SLC4A7: variants seen among roughly 807,000 people sequenced by gnomAD.
The protein encoded by SLC4A7 is solute carrier family 4 member 7.
SLC4A7 carries 51 observed loss-of-function variants against 137.6 expected under a neutral mutation model. That is an observed-to-expected ratio of 0.37 (90% CI 0.30 to 0.47). The LOEUF is 0.47. Among genes scored for constraint, SLC4A7 ranks in the 20% least tolerant of loss-of-function variants. The pLI is 1.00. For synonymous variants in SLC4A7, 542 were observed against 518.6 expected (o/e 1.05, Z -0.61); for missense variants, 1,247 against 1,525.4 (o/e 0.82, Z 3.04).
intron 2 of SLC4A7, 22 bp downstream of exon 2, chr3:27,452,394 TA>T: frequency 6.8e-7 from 1 of 1,471,248 alleles, no homozygotes. Context: ...CTAAGCGAAG[TA>T]AGTTATTTTA....
At position 27,474,942 on chromosome 3, in the gene SLC4A7, T is replaced by C. The variant is rs148103345; in HGVS notation, c.60+9125A>G. 3.3e-5 allele frequency among the ~76,000 whole-genome samples: 5 copies of C among 151,922 alleles called. No homozygotes were observed. In the East Asian group the frequency reaches 9.8e-4, roughly 30 times the overall value. ...GGCCAACATGGTGAAACCCCATCTC[T>C]ACTACAAACACAAAAAAATTAGCCA... On this transcript the variant is annotated intron_variant, in intron 1 of 25. Transcript: ENST00000454389.
chr3:27,470,304 G>C (rs897748534), intron 1 of SLC4A7, among the ~76,000 whole-genome samples: 8 of 151,066 alleles, frequency 5.3e-5, no homozygotes, highest in African/African-American at 1.7e-4. Flanking sequence ...ATAATCTGTC[G>C]GCAGTTCTTT....
At chr3:27,473,635 G>T (rs531995124) in intron 1 of SLC4A7, among the ~76,000 whole-genome samples, 2 of 151,058 alleles carry the variant, frequency 1.3e-5, no homozygotes, top group Non-Finnish European at 2.9e-5. Context: ...TTGAGCCCGG[G>T]GGGTGGAGGG....
Position 27,392,273 on chromosome 3 carries a change from AATCCTT to A in SLC4A7, c.3118-471_3118-466del, listed in dbSNP as rs1230940797. On this transcript the variant is annotated intron_variant, in intron 20 of 25. Transcript: ENST00000454389. The stretch of plus-strand genomic sequence containing the variant: ...TAAGTAAAATCCACCTCCAAAATAA[AATCCTT>A]ACTACTTTGGCAGTTATGATGATCC... Among the ~76,000 whole-genome samples the A allele has an allele frequency of 6.6e-5, 10 of 152,286 alleles. No individual in the cohort carries two copies. The East Asian group carries it at 1.9e-3, about 29-fold the overall frequency.
rs140478567 is a variant in SLC4A7, at chr3:27,383,172, C to T, written c.3571G>A (p.Val1191Ile). The T allele has an allele frequency of 8.7e-6, 14 of 1,611,694 alleles. No homozygotes were observed. The East Asian group carries it at 3.1e-4, about 36-fold the overall frequency. The change falls in exon 24 of 26, where the codon GTC becomes ATC. Residue 1191 changes from valine (V) to isoleucine (I), a missense_variant. Val to Ile is a conservative substitution (Grantham distance 29). Transcript: ENST00000454389. ...FEGGSLLQIP[V>I]KALKYSVDPS... is the part of the protein sequence containing the mutation. ...TCTCACCTATATTTTAGGGCCTTGA[C>T]TGGAATTTGCAAGAGACTTCCCCCT...
At chr3:27,446,888 T>TTC (rs2057694644) in intron 3 of SLC4A7, among the ~76,000 whole-genome samples, 2 of 76,504 alleles carry the variant, frequency 2.6e-5, no homozygotes, top group East Asian at 6.0e-4. Flanking sequence ...TTTTTTTGTT[T>TTC]TTTTTGTTTT....
rs1020757241 is a variant in SLC4A7, at chr3:27,424,314, A to G, written c.1151-162T>C. On this transcript the variant is annotated intron_variant, in intron 7 of 25. Coordinates refer to ENST00000454389, the MANE Select transcript of SLC4A7 (RefSeq NM_001321103.2). Reference sequence around the variant, plus strand: ...GTTAGTAACATACCAGCAAAACTAGAACAACATTTTAAGCAATACCAAAGC... The same window carrying G: ...GTTAGTAACATACCAGCAAAACTAGGACAACATTTTAAGCAATACCAAAGC... 14 of 456,326 alleles carry G rather than the reference A, an allele frequency of 3.1e-5. No individual in the cohort carries two copies. The Admixed American group carries it at 3.7e-4, about 12-fold the overall frequency. 28.3% of individuals were successfully genotyped at this position (456,326 alleles called of 1,614,324 possible). A position where few individuals can be genotyped will look rare whatever the true frequency, so the allele number is the denominator to read the frequency against.
intron 7 of SLC4A7, among the ~76,000 whole-genome samples, chr3:27,425,370 TAA>T (rs56153970): frequency 0.062 from 3,514 of 56,880 alleles, 51 homozygotes; most frequent in Middle Eastern, 0.11. Context: ...AACTCCGTCC[TAA>T]AAAAAAAAAA....
Position 27,395,212 on chromosome 3 carries a change from C to T in SLC4A7, c.2704-97G>A, listed in dbSNP as rs142110592. On this transcript the variant is annotated intron_variant, in intron 18 of 25. Coordinates refer to ENST00000454389, the MANE Select transcript of SLC4A7 (RefSeq NM_001321103.2). ...TTGATCTGTTCCAAGAAATACCCAACGAATGGGAAATAACTTAAATCTTGA... is the reference window on the plus strand; with the variant it reads ...TTGATCTGTTCCAAGAAATACCCAATGAATGGGAAATAACTTAAATCTTGA... The T allele has an allele frequency of 2.8e-5, 21 of 753,258 alleles. No homozygotes were observed. In the African/African-American group the frequency reaches 3.2e-4, roughly 12 times the overall value. 46.7% of individuals were successfully genotyped at this position (753,258 alleles called of 1,614,324 possible). A position where few individuals can be genotyped will look rare whatever the true frequency, so the allele number is the denominator to read the frequency against.
At chr3:27,392,046 G>C (rs758135355) in intron 20 of SLC4A7, among the ~76,000 whole-genome samples, 5 of 152,178 alleles carry the variant, frequency 3.3e-5, no homozygotes, top group Non-Finnish European at 5.9e-5. Context: ...GAGTACTGCA[G>C]TCAGACTTAG....
chr3:27,412,523 T>C (rs1214934152), intron 11 of SLC4A7, among the ~76,000 whole-genome samples: 4 of 152,136 alleles, frequency 2.6e-5, no homozygotes, highest in Non-Finnish European at 4.4e-5. Flanking sequence ...GTTTACATGC[T>C]CCATATTTAG....
intron 1 of SLC4A7, among the ~76,000 whole-genome samples, chr3:27,461,422 A>G (rs945096011): frequency 6.6e-6 from 1 of 151,708 alleles, no homozygotes. Flanking sequence ...AACAAAACAA[A>G]ACAAACAAAC....
rs1362864726 is a variant in SLC4A7 at position 27,373,389 on chromosome 3, T to C, written c.*3375A>G. On this transcript the variant is annotated 3_prime_UTR_variant, in exon 26 of 26. Transcript: ENST00000454389. ...TGTCCTTAAAGTCTTTAAACTTACT[T>C]TCTAAAATAAATAATTGTTGGAATA... 1 of 152,186 alleles carries C rather than the reference T, an allele frequency of 6.6e-6. No homozygotes were observed. The highest frequency in any genetic ancestry group is 2.4e-5 in the African/African-American group (1 of 41,464). The allele number at this position is 152,186 out of a possible 1,614,324, so 9.4% of individuals were successfully genotyped here.
intron 22 of SLC4A7, among the ~76,000 whole-genome samples, chr3:27,386,614 G>C (rs574799980): frequency 5.3e-5 from 8 of 152,152 alleles, no homozygotes; most frequent in South Asian, 2.1e-4. Context: ...TGTGTAGTTT[G>C]AATAGAAATT....
At chr3:27,482,228 A>T (rs1246203767) in intron 1 of SLC4A7, among the ~76,000 whole-genome samples, 2 of 152,220 alleles carry the variant, frequency 1.3e-5, no homozygotes, top group Non-Finnish European at 2.9e-5. Context: ...CATAAACACT[A>T]GTCTAAATAA....
intron 15 of SLC4A7, among the ~76,000 whole-genome samples, chr3:27,402,587 C>A (rs555635268): frequency 1.6e-4 from 25 of 152,060 alleles, no homozygotes; most frequent in Non-Finnish European, 3.4e-4. Context: ...GTAATCCCTG[C>A]TACTGGTGGG....
intron 13 of SLC4A7, among the ~76,000 whole-genome samples, chr3:27,405,767 TCTC>T (rs1010212231): frequency 1.3e-5 from 2 of 151,740 alleles, no homozygotes; most frequent in Admixed American, 6.6e-5. Flanking sequence ...ATGAGAAAAA[TCTC>T]CTCAAAAAAA....
chr3:27,382,957 CA>C (rs1559620103), intron 24 of SLC4A7, among the ~76,000 whole-genome samples, 195 bp downstream of exon 24: 2 of 152,148 alleles, frequency 1.3e-5, no homozygotes, highest in African/African-American at 2.4e-5. Flanking sequence ...TGGGTTAGTC[CA>C]AGTCCAGCTT....
intron 1 of SLC4A7, among the ~76,000 whole-genome samples, chr3:27,470,891 G>A (rs1044273729): frequency 4.6e-5 from 7 of 152,182 alleles, no homozygotes; most frequent in South Asian, 4.2e-4. Flanking sequence ...GCAATGAGCC[G>A]AGATCGCGCC....
Sources: allele counts gnomAD v4.1 joint callset (sites outside exome capture counted in the v4.1 genomes callset), GRCh38; gene constraint gnomAD v4.1.1; transcripts MANE v1.5; gene names NCBI Gene and HGNC (gene_info 2026-07-23, HGNC 2026-07-21).